Variants in KLHL22 observed in about 807,000 individuals in gnomAD.
The protein encoded by KLHL22 is kelch like family member 22, also known as kelch-like protein 22.
In KLHL22, 18 loss-of-function variants were observed where a neutral mutation model predicts 60.7. That is an observed-to-expected ratio of 0.30 (90% CI 0.20 to 0.44). The LOEUF (loss-of-function observed/expected upper bound fraction) is 0.44. Ranked by LOEUF, KLHL22 falls within the 20% of genes least tolerant of loss-of-function variation. The pLI is 1.00. For missense variants in KLHL22, 596 were observed against 852.3 expected (o/e 0.70, Z 3.74); for synonymous variants, 355 against 354.5 (o/e 1.00, Z -0.01).
chr22:20,463,602 G>A (rs1046582630), intron 4 of KLHL22, among the ~76,000 whole-genome samples: 3 of 152,202 alleles, frequency 2.0e-5, no homozygotes, highest in African/African-American at 4.8e-5. Context: ...CTGGGAAACC[G>A]AGCCCCCTAA....
chr22:20,470,942 C>T (rs973998456), intron 3 of KLHL22, among the ~76,000 whole-genome samples: 9 of 152,220 alleles, frequency 5.9e-5, no homozygotes, highest in Non-Finnish European at 1.2e-4. Context: ...TTTCAAGAGA[C>T]TGAAGTGGCC....
chr22:20,464,752 T>A, intron 4 of KLHL22, 106 bp downstream of exon 4: 2 of 687,978 alleles, frequency 2.9e-6, no homozygotes, highest in Non-Finnish European at 5.0e-6. Flanking sequence ...TGGCAAGTGA[T>A]GCTCATGTGA....
chr22:20,458,445 A>ACTT (rs2053100836), intron 4 of KLHL22, among the ~76,000 whole-genome samples: 3 of 90,476 alleles, frequency 3.3e-5, no homozygotes, highest in Non-Finnish European at 6.5e-5. Flanking sequence ...AACGCCCGCT[A>ACTT]TTTTTTTTTT....
chr22:20,487,801 C>T (rs2053610491), intron 2 of KLHL22, among the ~76,000 whole-genome samples: 1 of 152,168 alleles, frequency 6.6e-6, no homozygotes, highest in Non-Finnish European at 1.5e-5. Context: ...CTGTCATCTT[C>T]AGAAAGAGTG....
At position 20,442,478 on chromosome 22, in the gene KLHL22, G is replaced by A. The variant is rs199587462; in HGVS notation, c.1540-40C>T. On this transcript the variant is annotated intron_variant, in intron 6 of 6. Coordinates refer to ENST00000328879, the MANE Select transcript of KLHL22 (RefSeq NM_032775.4). The stretch of plus-strand genomic sequence containing the variant: ...CTAGAATAAAGCCCAGCACCCACTG[G>A]GACGAGGCTGCCAGCTCCCCCACAA... 8.6e-6 allele frequency: 13 copies of A among 1,510,440 alleles called. No homozygotes were observed. In the South Asian group the frequency reaches 1.6e-4, roughly 18 times the overall value. The allele number at this position is 1,510,440 out of a possible 1,614,324, so 93.6% of individuals were successfully genotyped here. A position where few individuals can be genotyped will look rare whatever the true frequency, so the allele number is the denominator to read the frequency against.
intron 2 of KLHL22, among the ~76,000 whole-genome samples, chr22:20,479,274 A>T (rs954286434): frequency 3.9e-5 from 6 of 152,062 alleles, no homozygotes; most frequent in African/African-American, 1.4e-4. Flanking sequence ...TTAAAAAAAA[A>T]TTATTACTAC....
chr22:20,453,279 A>G (rs2053008001), intron 5 of KLHL22, among the ~76,000 whole-genome samples: 1 of 149,742 alleles, frequency 6.7e-6, no homozygotes, highest in Non-Finnish European at 1.5e-5. Flanking sequence ...TAGAAGTTTT[A>G]TGGTTTTACA....
intron 5 of KLHL22, chr22:20,450,320 T>C (rs2052955807): frequency 3.3e-6 from 4 of 1,207,070 alleles, no homozygotes; most frequent in African/African-American, 3.0e-5. Context: ...GTGACCTTTA[T>C]AGAAGGGGAA....
chr22:20,443,624 AG>A (rs2052803564), intron 6 of KLHL22, among the ~76,000 whole-genome samples: 1 of 152,188 alleles, frequency 6.6e-6, no homozygotes, highest in Admixed American at 6.5e-5. Flanking sequence ...CTGTAACCCC[AG>A]CTACTCGGGA....
intron 5 of KLHL22, among the ~76,000 whole-genome samples, chr22:20,455,292 T>G (rs548105233): frequency 6.6e-6 from 1 of 152,340 alleles, no homozygotes; most frequent in African/African-American, 2.4e-5. Context: ...GCTCCACAGC[T>G]GTGTGCCAGC....
chr22:20,457,814 CTT>C lies in KLHL22; in HGVS notation c.1297_1298del (p.Lys433GlufsTer45). 6.3e-7 allele frequency: 1 copy of C among 1,597,382 alleles called. No homozygotes were observed. The highest frequency in any genetic ancestry group is 8.5e-7 in the Non-Finnish European group (1 of 1,171,436). On this transcript the variant is annotated frameshift_variant, in exon 5 of 7. Transcript: ENST00000328879. LOFTEE classifies it high-confidence loss of function. ...TNSWAYVAPLKREVYAHAGAT... is the reference protein window; with the variant it reads ...TNSWAYVAPLXREVYAHAGAT... Reference sequence around the variant, plus strand: ...TCTTCGAGGGCTTCCTTACCTCCCTCTTGAGTGGGGCCACGTATGCCCAGGAG... The same window carrying C: ...TCTTCGAGGGCTTCCTTACCTCCCTCGAGTGGGGCCACGTATGCCCAGGAG...
chr22:20,469,042 C>T (rs748675905), intron 3 of KLHL22, among the ~76,000 whole-genome samples: 8 of 152,204 alleles, frequency 5.3e-5, no homozygotes, highest in Non-Finnish European at 8.8e-5. Flanking sequence ...CCAGGGCTGT[C>T]GGGAGCACTG....
chr22:20,444,673 G>A (rs1368520692), intron 6 of KLHL22, among the ~76,000 whole-genome samples: 2 of 152,224 alleles, frequency 1.3e-5, no homozygotes. Flanking sequence ...ATTTGGAATA[G>A]TTAAAACTTA....
At position 20,480,977 on chromosome 22, in the gene KLHL22, A is replaced by T. The variant is rs1601379983; in HGVS notation, c.227+8008T>A. On this transcript the variant is annotated intron_variant, in intron 2 of 6. Transcript: ENST00000328879. ...CTCCCGAGTAGCTGGGACTACAGGC[A>T]CCCGCCACCATGCCCGGCTAATTTT... 3.3e-5 allele frequency among the ~76,000 whole-genome samples: 5 copies of T among 151,348 alleles called. No individual in the cohort carries two copies. The East Asian group carries it at 6.0e-4, about 18-fold the overall frequency.
chr22:20,493,724 A>C (rs2053725657), intron 1 of KLHL22, among the ~76,000 whole-genome samples: 2 of 152,176 alleles, frequency 1.3e-5, no homozygotes. Context: ...CCTGCATGAC[A>C]GTGCGAGACT....
At chr22:20,478,642 G>A (rs1258833695) in intron 2 of KLHL22, among the ~76,000 whole-genome samples, 1 of 147,584 alleles carries the variant, frequency 6.8e-6, no homozygotes, top group East Asian at 2.0e-4. Flanking sequence ...AGCCTCCCGA[G>A]TAGCTGGGAC....
chr22:20,448,745 G>A (rs1394173141), intron 5 of KLHL22, among the ~76,000 whole-genome samples: 2 of 152,126 alleles, frequency 1.3e-5, no homozygotes, highest in Non-Finnish European at 2.9e-5. Context: ...ATACAGAGTA[G>A]TTTTCATTTC....
intron 2 of KLHL22, 87 bp downstream of exon 2, chr22:20,488,898 A>T (rs924874597): frequency 6.1e-6 from 8 of 1,300,856 alleles, no homozygotes; most frequent in Non-Finnish European, 1.1e-6. Context: ...TGAGCAGGAG[A>T]CCAGCCACTG....
At chr22:20,459,010 C>G (rs2053112605) in intron 4 of KLHL22, among the ~76,000 whole-genome samples, 1 of 152,134 alleles carries the variant, frequency 6.6e-6, no homozygotes, top group Non-Finnish European at 1.5e-5. Flanking sequence ...CCAAGGAGGG[C>G]TCCTGGGCTG....
Sources: gnomAD v4.1 joint callset for allele counts (sites outside exome capture counted in the v4.1 genomes callset) on GRCh38, gnomAD v4.1.1 for gene constraint, MANE v1.5 for transcripts, NCBI Gene and HGNC (gene_info 2026-07-23, HGNC 2026-07-21) for gene names.